Variants in ARHGAP19 observed in about 807,000 individuals in gnomAD.
ARHGAP19 encodes the protein Rho GTPase activating protein 19.
Under a neutral mutation model 60.9 loss-of-function variants are expected in ARHGAP19, and 48 were observed. That is an observed-to-expected ratio of 0.79 (90% CI 0.62 to 1.00). The LOEUF is 1.00. Among genes scored for constraint, ARHGAP19 ranks in the 50% least tolerant of loss-of-function variants. The pLI is 0.00. For missense variants in ARHGAP19, 562 were observed against 597.2 expected (o/e 0.94, Z 0.61); for synonymous variants, 209 against 215.5 (o/e 0.97, Z 0.27).
In ARHGAP19 at chr10:97,229,204, C is replaced by G. The variant is rs778403116; in HGVS notation, c.1417G>C (p.Val473Leu). ...TTCAATCTTGTTGGTGTCATCGTGA[C>G]AGCTGGAGAGCCAGAAAATAACTGT... ...RNLLFSGSPA[V>L]TMTPTRLKWS... Residue 473 changes from valine (V) to leucine (L), a missense_variant, in exon 11 of 12, where the codon GTC (valine) becomes CTC (leucine). Physicochemically the swap from Val to Leu is conservative, Grantham distance 32. Coordinates refer to ENST00000358531, the MANE Select transcript of ARHGAP19 (RefSeq NM_032900.6). 2.5e-6 allele frequency: 4 copies of G among 1,613,972 alleles called. No individual in the cohort carries two copies. The African/African-American group carries it at 5.3e-5, about 22-fold the overall frequency.
At chr10:97,270,831 G>A in intron 1 of ARHGAP19, 3 of 205,372 alleles carry the variant, frequency 1.5e-5, no homozygotes, top group Non-Finnish European at 2.6e-5. Context: ...TAAAAAACTA[G>A]ACCAGTTAAT....
chr10:97,229,327 G>A (rs2134803774), intron 10 of ARHGAP19, 102 bp from the exon 11 acceptor site: 1 of 976,136 alleles, frequency 1.0e-6, no homozygotes, highest in Middle Eastern at 2.1e-4. Flanking sequence ...AATGTGAAGA[G>A]TTTTTCTGAG....
chr10:97,252,945 T>C (rs1842705557), intron 6 of ARHGAP19, among the ~76,000 whole-genome samples: 1 of 152,116 alleles, frequency 6.6e-6, no homozygotes, highest in Non-Finnish European at 1.5e-5. Flanking sequence ...ATGTGGCGTA[T>C]ATACACAATG....
chr10:97,233,344 C>T (rs1851061829), intron 9 of ARHGAP19, among the ~76,000 whole-genome samples: 1 of 127,718 alleles, frequency 7.8e-6, no homozygotes, highest in Non-Finnish European at 1.7e-5. Context: ...AGAGCAAGAC[C>T]CTGTCTCAAA....
At chr10:97,282,262 C>T (rs1276630996) in intron 1 of ARHGAP19, among the ~76,000 whole-genome samples, 2 of 152,196 alleles carry the variant, frequency 1.3e-5, no homozygotes, top group African/African-American at 4.8e-5. Context: ...AATTGCTAAG[C>T]TGGTGGGATG....
chr10:97,286,204 A>T (rs760339687), intron 1 of ARHGAP19, among the ~76,000 whole-genome samples: 1 of 152,164 alleles, frequency 6.6e-6, no homozygotes, highest in African/African-American at 2.4e-5. Context: ...GTAAGAACAG[A>T]CAAGTCTTCC....
intron 1 of ARHGAP19, among the ~76,000 whole-genome samples, chr10:97,273,346 A>T (rs1842983722): frequency 6.6e-6 from 1 of 150,592 alleles, no homozygotes; most frequent in East Asian, 2.0e-4. Context: ...TATTTTTAGT[A>T]AAGGCAGGGT....
At chr10:97,280,357 C>T (rs1290662950) in intron 1 of ARHGAP19, among the ~76,000 whole-genome samples, 3 of 151,192 alleles carry the variant, frequency 2.0e-5, no homozygotes, top group East Asian at 3.9e-4. Flanking sequence ...TGCAGTGAGC[C>T]GAGATCACAC....
At position 97,229,267 on chromosome 10, in the gene ARHGAP19, C is replaced by G. The variant is rs114848942; in HGVS notation, c.1396-42G>C. 1,140 of 1,464,624 alleles carry G rather than the reference C, an allele frequency of 7.8e-4. 3 individuals carry two copies. The African/African-American group carries it at 9.4e-3, about 12-fold the overall frequency. The allele number at this position is 1,464,624 out of a possible 1,614,324, so 90.7% of individuals were successfully genotyped here. On this transcript the variant is annotated intron_variant, in intron 10 of 11. Coordinates refer to ENST00000358531, the MANE Select transcript of ARHGAP19 (RefSeq NM_032900.6). ...GTACAGTGGTTTCAATGTTCTAATGCCATTCCTATAGACAGACTTTACTAA... is the reference window on the plus strand; with the variant it reads ...GTACAGTGGTTTCAATGTTCTAATGGCATTCCTATAGACAGACTTTACTAA...
intron 9 of ARHGAP19, among the ~76,000 whole-genome samples, chr10:97,232,356 A>G (rs935482387): frequency 1.3e-5 from 2 of 151,520 alleles, no homozygotes; most frequent in East Asian, 1.9e-4. Flanking sequence ...ATAGAGATGG[A>G]GTTTCACCGT....
At chr10:97,264,419 C>T (rs1226636304) in intron 3 of ARHGAP19, among the ~76,000 whole-genome samples, 1 of 150,088 alleles carries the variant, frequency 6.7e-6, no homozygotes, top group Non-Finnish European at 1.5e-5. Context: ...CACCACTGCA[C>T]CCCAGCCTGG....
Position 97,256,364 on chromosome 10 carries a change from T to C in ARHGAP19, c.881A>G (p.Asn294Ser). The change falls in exon 6 of 12, where the codon AAC becomes AGC. Residue 294 changes from asparagine (N) to serine (S), a missense_variant. Asn to Ser is a conservative substitution (Grantham distance 46, BLOSUM62 1). Transcript: ENST00000358531. ...NDLQENITKL[N>S]SGMAFMIKHS... ...TTTAATCATAAAAGCCATCCCACTG[T>C]TTAACTTTGTGATATTCTCCTGAAG... The C allele has an allele frequency of 6.2e-7, 1 of 1,614,182 alleles. No individual in the cohort carries two copies. Among genetic ancestry groups the C allele is most frequent in the Non-Finnish European group, 8.5e-7 (1 of 1,180,012 alleles).
intron 1 of ARHGAP19, among the ~76,000 whole-genome samples, chr10:97,292,072 A>T (rs1337424468): frequency 1.3e-5 from 2 of 152,154 alleles, no homozygotes. Flanking sequence ...ACTTGGAAAT[A>T]GGCATCCTCA....
chr10:97,273,391 G>A (rs1007005026), intron 1 of ARHGAP19, among the ~76,000 whole-genome samples: 1 of 150,368 alleles, frequency 6.7e-6, no homozygotes, highest in Admixed American at 6.6e-5. Context: ...TCGAACTCCT[G>A]ACCTCAGGTG....
chr10:97,256,574 T>G lies in ARHGAP19; in HGVS notation c.841-170A>C, dbSNP rs111464910. On this transcript the variant is annotated intron_variant, in intron 5 of 11. Coordinates refer to ENST00000358531, the MANE Select transcript of ARHGAP19 (RefSeq NM_032900.6). Reference sequence around the variant, plus strand: ...TGGTTCATCAGGATATGACATAATCTAGAAAAACAATGTGTCCCTGAAGTG... The same window carrying G: ...TGGTTCATCAGGATATGACATAATCGAGAAAAACAATGTGTCCCTGAAGTG... The G allele has an allele frequency of 1.1e-3, 590 of 526,524 alleles. 2 individuals are homozygous for G. The highest frequency in any genetic ancestry group is 0.011 in the African/African-American group (541 of 51,142). The allele number at this position is 526,524 out of a possible 1,614,324, so 32.6% of individuals were successfully genotyped here.
In ARHGAP19 at chr10:97,259,459, C is replaced by G. The variant is rs753459687; in HGVS notation, c.783G>C (p.Lys261Asn). ...TAAGGGCAAGGTTATAGGCTGACAT[C>G]TTGTTCTTGTCTTGTTTCTTTGCTG... ...YQTAKKQDKN[K>N]MSAYNLALMF... Residue 261 changes from lysine to asparagine, a missense_variant, in exon 5 of 12, where the codon AAG (lysine) becomes AAC (asparagine). Coordinates refer to ENST00000358531, the MANE Select transcript of ARHGAP19 (RefSeq NM_032900.6). The G allele has an allele frequency of 9.9e-6, 16 of 1,614,066 alleles. No homozygotes were observed. The South Asian group carries it at 1.1e-4, about 11-fold the overall frequency.
chr10:97,227,113 G>A (rs550928907), intron 11 of ARHGAP19, among the ~76,000 whole-genome samples: 1 of 152,370 alleles, frequency 6.6e-6, no homozygotes, highest in Non-Finnish European at 1.5e-5. Context: ...TGTCAGTAGT[G>A]TGCCAAGGTT....
intron 1 of ARHGAP19, among the ~76,000 whole-genome samples, chr10:97,269,220 T>A (rs932825208): frequency 6.6e-6 from 1 of 152,236 alleles, no homozygotes; most frequent in Non-Finnish European, 1.5e-5. Flanking sequence ...AATAACAGTA[T>A]AGTGAAAACA....
Position 97,259,624 on chromosome 10 carries a change from C to A in ARHGAP19, c.618G>T (p.Leu206Phe). Residue 206 changes from leucine (L) to phenylalanine (F), a missense_variant, in exon 5 of 12, where the codon TTG (leucine) becomes TTT (phenylalanine). Physicochemically the swap from Leu to Phe is conservative, Grantham distance 22. Transcript: ENST00000358531. ...TGTTTCCTTTATCATCAAACTGCAT[C>A]AAATCTTGAGGACAAAAGAGAATTT... Reference protein sequence around the residue: ...HFNAHLKIADLMQFDDKGNKT... With the variant: ...HFNAHLKIADFMQFDDKGNKT... 6.2e-7 allele frequency: 1 copy of A among 1,613,524 alleles called. No individual in the cohort carries two copies. Among genetic ancestry groups the A allele is most frequent in the Non-Finnish European group, 8.5e-7 (1 of 1,179,554 alleles).
Sources: allele counts gnomAD v4.1 joint callset (sites outside exome capture counted in the v4.1 genomes callset), GRCh38; gene constraint gnomAD v4.1.1; transcripts MANE v1.5; gene names NCBI Gene and HGNC (gene_info 2026-07-23, HGNC 2026-07-21).